ABCB5: variants seen among roughly 807,000 people sequenced by gnomAD.
The protein encoded by ABCB5 is ATP-binding cassette sub-family B member 5.
A neutral mutation model predicts 144.2 loss-of-function variants in ABCB5; 155 were observed. That is an observed-to-expected ratio of 1.08 (90% CI 0.94 to 1.23). ABCB5 has a LOEUF of 1.23. ABCB5 is among the 50% of genes most tolerant of loss of function. The pLI is 0.00. For synonymous variants in ABCB5, 610 were observed against 528.6 expected (o/e 1.15, Z -2.11); for missense variants, 1,830 against 1,520.8 (o/e 1.20, Z -3.38).
At chr7:20,623,004 T>C (rs1783832706) in intron 1 of ABCB5, among the ~76,000 whole-genome samples, 1 of 152,166 alleles carries the variant, frequency 6.6e-6, no homozygotes, top group East Asian at 1.9e-4. Context: ...ACTTTCCTTC[T>C]TTTATTCCAA....
intron 12 of ABCB5, among the ~76,000 whole-genome samples, chr7:20,650,976 A>T (rs1784564174): frequency 6.6e-6 from 1 of 152,232 alleles, no homozygotes; most frequent in Non-Finnish European, 1.5e-5. Context: ...GCCAGAGGTC[A>T]CTTATTATCA....
At chr7:20,631,704 T>C (rs893105454) in intron 4 of ABCB5, among the ~76,000 whole-genome samples, 1 of 152,078 alleles carries the variant, frequency 6.6e-6, no homozygotes, top group African/African-American at 2.4e-5. Flanking sequence ...TTCCCTGGAG[T>C]GTTTCAAACT....
chr7:20,705,261 A>G lies in ABCB5; in HGVS notation c.2421+454A>G, dbSNP rs538665828. Among the ~76,000 whole-genome samples, 13 of 152,336 alleles carry G rather than the reference A, an allele frequency of 8.5e-5. 1 individual carries two copies. In the East Asian group the frequency reaches 2.5e-3, roughly 29 times the overall value. On this transcript the variant is annotated intron_variant, in intron 20 of 27. Coordinates refer to ENST00000404938, the MANE Select transcript of ABCB5 (RefSeq NM_001163941.2). Reference sequence around the variant, plus strand: ...CAGAAATGATTCTGTACTACTTGTTATACAAGTTAAAAAGAATTGTGTAAT... The same window carrying G: ...CAGAAATGATTCTGTACTACTTGTTGTACAAGTTAAAAAGAATTGTGTAAT...
intron 14 of ABCB5, among the ~76,000 whole-genome samples, chr7:20,673,356 G>C (rs1400720651): frequency 6.6e-6 from 1 of 151,796 alleles, no homozygotes; most frequent in Admixed American, 6.6e-5. Context: ...CTGAGAGAAG[G>C]GTATTTAATT....
At chr7:20,721,731 A>T (rs1781874897) in intron 20 of ABCB5, among the ~76,000 whole-genome samples, 1 of 152,206 alleles carries the variant, frequency 6.6e-6, no homozygotes, top group Non-Finnish European at 1.5e-5. Context: ...AATATACAAA[A>T]ATCTCATTTT....
intron 14 of ABCB5, among the ~76,000 whole-genome samples, chr7:20,662,714 G>A (rs1785041556): frequency 6.6e-6 from 1 of 151,566 alleles, no homozygotes; most frequent in Non-Finnish European, 1.5e-5. Flanking sequence ...GCTTAATCAA[G>A]CTCACATTTG....
intron 26 of ABCB5, among the ~76,000 whole-genome samples, chr7:20,751,428 G>A (rs895922910): frequency 3.3e-5 from 5 of 152,012 alleles, no homozygotes; most frequent in South Asian, 2.1e-4. Flanking sequence ...CCGAGATCGC[G>A]TCACTGCACT....
At chr7:20,623,699 A>G (rs1783850280) in intron 2 of ABCB5, among the ~76,000 whole-genome samples, 2 of 152,194 alleles carry the variant, frequency 1.3e-5, no homozygotes, top group South Asian at 2.1e-4. Context: ...CCTTTAATAA[A>G]AGAAAATATT....
intron 14 of ABCB5, chr7:20,659,770 G>A: frequency 3.0e-6 from 3 of 985,244 alleles, no homozygotes; most frequent in Non-Finnish European, 3.6e-6. Context: ...TGCAACCTCT[G>A]CCCACTGTGT....
rs190943400 is a variant in ABCB5 at position 20,709,237 on chromosome 7, T to C, written c.2421+4430T>C. Among the ~76,000 whole-genome samples, 362 of 131,176 alleles carry C rather than the reference T, an allele frequency of 2.8e-3. 27 individuals are homozygous for C. The highest frequency in any genetic ancestry group is 5.2e-3 in the Non-Finnish European group (305 of 58,924). 86.1% of individuals were successfully genotyped at this position (131,176 alleles called of 152,430 possible). ...ACTCACAATCCATAAGTGCCTTTCT[T>C]TGCTTGGCCAATGAATAAGCCACTT... is the stretch of plus-strand genomic sequence containing the variant. On this transcript the variant is annotated intron_variant, in intron 20 of 27. Transcript: ENST00000404938.
At chr7:20,737,032 T>C (rs1430468942) in intron 23 of ABCB5, among the ~76,000 whole-genome samples, 1 of 152,022 alleles carries the variant, frequency 6.6e-6, no homozygotes, top group Non-Finnish European at 1.5e-5. Context: ...TGGTGGTGCA[T>C]GCCTGTAATC....
In ABCB5 at chr7:20,650,116, T is replaced by C; in HGVS notation, c.1301T>C (p.Leu434Pro). 5.0e-6 allele frequency: 8 copies of C among 1,613,634 alleles called. No individual in the cohort carries two copies. Among genetic ancestry groups the C allele is most frequent in the Middle Eastern group, 1.7e-4 (1 of 6,058 alleles). Residue 434 changes from leucine (L) to proline (P), a missense_variant, in exon 12 of 28, where the codon CTG becomes CCG. By Grantham distance (98) the Leu-to-Pro change is moderately conservative (BLOSUM62 -3). Coordinates refer to ENST00000404938, the MANE Select transcript of ABCB5 (RefSeq NM_001163941.2). ...GGGAAGAGTACGGTAGTCCAGCTTC[T>C]GCAGAGGTTATATGATCCGGATGAT... Reference protein sequence around the residue: ...GSGKSTVVQLLQRLYDPDDGF... With the variant: ...GSGKSTVVQLPQRLYDPDDGF...
intron 1 of ABCB5, among the ~76,000 whole-genome samples, chr7:20,616,603 C>T (rs1783690822): frequency 6.6e-6 from 1 of 152,178 alleles, no homozygotes; most frequent in Admixed American, 6.5e-5. Flanking sequence ...AGCATCCACA[C>T]AGCTGTCAAT....
At chr7:20,699,565 G>C (rs1786540906) in intron 17 of ABCB5, among the ~76,000 whole-genome samples, 1 of 151,940 alleles carries the variant, frequency 6.6e-6, no homozygotes, top group South Asian at 2.1e-4. Context: ...GCCGGGTGTG[G>C]TGGTGCGCGC....
At chr7:20,734,612 T>G (rs1292129504) in intron 23 of ABCB5, among the ~76,000 whole-genome samples, 1 of 151,682 alleles carries the variant, frequency 6.6e-6, no homozygotes, top group Non-Finnish European at 1.5e-5. Context: ...CTCATAATAT[T>G]AGTTTGTCAG....
chr7:20,674,681 A>T (rs547594067), intron 14 of ABCB5, among the ~76,000 whole-genome samples: 5 of 151,596 alleles, frequency 3.3e-5, no homozygotes, highest in Non-Finnish European at 7.4e-5. Flanking sequence ...AAGAAAAAAG[A>T]AGTGTCAAAT....
rs1583402925 is a variant in ABCB5 at position 20,658,956 on chromosome 7, A to G, written c.1707+280A>G. ...CCATTCCAAGTGGTTTGCACTTTCC[A>G]CCTCCCTAGAGTGGCCCACCACTAT... On this transcript the variant is annotated intron_variant, in intron 14 of 27. Coordinates refer to ENST00000404938, the MANE Select transcript of ABCB5 (RefSeq NM_001163941.2). 2.4e-6 allele frequency: 3 copies of G among 1,268,606 alleles called. No homozygotes were observed. The Admixed American group carries it at 5.1e-5, about 21-fold the overall frequency. 78.6% of individuals were successfully genotyped at this position (1,268,606 alleles called of 1,614,324 possible). A position where few individuals can be genotyped will look rare whatever the true frequency, so the allele number is the denominator to read the frequency against.
chr7:20,729,217 C>A (rs1430000824), intron 23 of ABCB5, among the ~76,000 whole-genome samples: 2 of 152,126 alleles, frequency 1.3e-5, no homozygotes, highest in African/African-American at 4.8e-5. Context: ...GGCATAAAAT[C>A]TGAATTAAAT....
At chr7:20,727,613 T>G (rs928693916) in intron 22 of ABCB5, among the ~76,000 whole-genome samples, 2 of 152,030 alleles carry the variant, frequency 1.3e-5, no homozygotes, top group East Asian at 3.9e-4. Flanking sequence ...TGCACACTTG[T>G]AGTCCCAGCT....
Sources: allele counts gnomAD v4.1 joint callset (sites outside exome capture counted in the v4.1 genomes callset), GRCh38; gene constraint gnomAD v4.1.1; transcripts MANE v1.5; gene names NCBI Gene and HGNC (gene_info 2026-07-23, HGNC 2026-07-21).